LHFPL3: variants seen among roughly 807,000 people sequenced by gnomAD.
LHFPL3 encodes the protein LHFPL tetraspan subfamily member 3 protein.
In LHFPL3, 5 loss-of-function variants were observed where a neutral mutation model predicts 19.3. The observed-to-expected ratio is 0.26, with a 90% CI of 0.14 to 0.54. The LOEUF (loss-of-function observed/expected upper bound fraction) is 0.54. LHFPL3 is among the 20% of genes least tolerant of loss of function. The pLI, the probability that LHFPL3 is intolerant of heterozygous loss-of-function variation, is 0.94. For synonymous variants in LHFPL3, 133 were observed against 126.2 expected (o/e 1.05, Z -0.36); for missense variants, 249 against 307.4 (o/e 0.81, Z 1.42).
intron 1 of LHFPL3, among the ~76,000 whole-genome samples, chr7:104,451,316 A>G (rs779298164): frequency 3.3e-5 from 5 of 152,216 alleles, no homozygotes; most frequent in Non-Finnish European, 5.9e-5. Flanking sequence ...CTTGGCTGCC[A>G]TGTTCGAGGT....
chr7:104,845,474 C>A, intron 2 of LHFPL3: 1 of 1,524,626 alleles, frequency 6.6e-7, no homozygotes, highest in Admixed American at 2.0e-5. Context: ...GTTTTGTGCG[C>A]TTCTGCCTTC....
At chr7:104,739,799 C>A (rs1475522651) in intron 2 of LHFPL3, among the ~76,000 whole-genome samples, 1 of 152,182 alleles carries the variant, frequency 6.6e-6, no homozygotes, top group Non-Finnish European at 1.5e-5. Context: ...AATGTCATAT[C>A]TCAAGACTTG....
intron 1 of LHFPL3, among the ~76,000 whole-genome samples, chr7:104,675,014 T>C (rs1379911254): frequency 6.6e-6 from 1 of 152,202 alleles, no homozygotes; most frequent in Non-Finnish European, 1.5e-5. Flanking sequence ...CTTACCTTCA[T>C]GGAGAAAACG....
intron 1 of LHFPL3, among the ~76,000 whole-genome samples, chr7:104,498,862 C>T (rs1793542076): frequency 6.6e-6 from 1 of 152,166 alleles, no homozygotes; most frequent in African/African-American, 2.4e-5. Context: ...GATAGGTCCA[C>T]AATCAATTCT....
In LHFPL3 at chr7:104,906,972, A is replaced by G. The variant is rs1377631984; in HGVS notation, c.*757A>G. ...CATCATAGGTTCCCAAGCAACATAG[A>G]TTTCCCTATCTTTCAGGAAACAGCA... is the stretch of plus-strand genomic sequence containing the variant. On this transcript the variant is annotated 3_prime_UTR_variant, in exon 3 of 3. Coordinates refer to ENST00000424859, the MANE Select transcript of LHFPL3 (RefSeq NM_199000.3). The G allele has an allele frequency of 6.6e-6, 1 of 152,626 alleles. No homozygotes were observed. Among genetic ancestry groups the G allele is most frequent in the Non-Finnish European group, 1.5e-5 (1 of 68,020 alleles). The allele number at this position is 152,626 out of a possible 1,614,324, so 9.5% of individuals were successfully genotyped here. A position where few individuals can be genotyped will look rare whatever the true frequency, so the allele number is the denominator to read the frequency against.
chr7:104,660,125 C>T (rs773045949), intron 1 of LHFPL3, among the ~76,000 whole-genome samples: 13 of 152,156 alleles, frequency 8.5e-5, no homozygotes, highest in East Asian at 7.7e-4. Context: ...CCTTAGCCTC[C>T]GAAGTAGCTG....
At chr7:104,769,640 T>A (rs1794517857) in intron 2 of LHFPL3, among the ~76,000 whole-genome samples, 1 of 147,140 alleles carries the variant, frequency 6.8e-6, no homozygotes. Flanking sequence ...CCCCGGTGTG[T>A]GATGTTCCCC....
chr7:104,688,338 A>G (rs1792843962), intron 1 of LHFPL3, among the ~76,000 whole-genome samples: 1 of 152,318 alleles, frequency 6.6e-6, no homozygotes, highest in Admixed American at 6.5e-5. Context: ...CAAAGGGCTG[A>G]AATTGCGGAA....
rs541941172 is a variant in LHFPL3 at position 104,779,936 on chromosome 7, A to C, written c.682+43025A>C. Among the ~76,000 whole-genome samples, 129 of 152,200 alleles carry C rather than the reference A, an allele frequency of 8.5e-4. 1 individual carries two copies. Among genetic ancestry groups the C allele is most frequent in the African/African-American group, 3.0e-3 (126 of 41,512 alleles). ...GGGGTTTTTTTTTTAGCTAAACTTT[A>C]ATCTATGTGATGGCTTGTAATGTGC... On this transcript the variant is annotated intron_variant, in intron 2 of 2. Coordinates refer to ENST00000424859, the MANE Select transcript of LHFPL3 (RefSeq NM_199000.3).
In LHFPL3 at chr7:104,804,260, C is replaced by T. The variant is rs553627068; in HGVS notation, c.682+67349C>T. ...TGATTCGCCAGCTTAAGTCACTTTT[C>T]GACATCTGGGGCTGAGACTGCCAGA... On this transcript the variant is annotated intron_variant, in intron 2 of 2. Coordinates refer to ENST00000424859, the MANE Select transcript of LHFPL3 (RefSeq NM_199000.3). 2.6e-5 allele frequency among the ~76,000 whole-genome samples: 4 copies of T among 152,302 alleles called. 1 individual carries two copies. Among genetic ancestry groups the T allele is most frequent in the South Asian group, 2.1e-4 (1 of 4,826 alleles).
chr7:104,681,113 C>T lies in LHFPL3; in HGVS notation c.446-55562C>T, dbSNP rs377584896. On this transcript the variant is annotated intron_variant, in intron 1 of 2. Transcript: ENST00000424859. ...TTATTAAGTATAAGGGATTGTGCTA[C>T]GTGCTTAACATACCTTTTGGTTTTT... Among the ~76,000 whole-genome samples, 12 of 150,642 alleles carry T rather than the reference C, an allele frequency of 8.0e-5. No individual in the cohort carries two copies. In the East Asian group the frequency reaches 1.8e-3, roughly 22 times the overall value.
At chr7:104,602,341 C>G (rs1357634000) in intron 1 of LHFPL3, among the ~76,000 whole-genome samples, 1 of 152,122 alleles carries the variant, frequency 6.6e-6, no homozygotes, top group Non-Finnish European at 1.5e-5. Flanking sequence ...TTTCTATAGA[C>G]AGTTTGTCTT....
intron 1 of LHFPL3, among the ~76,000 whole-genome samples, chr7:104,420,521 G>A (rs1475873882): frequency 6.6e-6 from 1 of 150,792 alleles, no homozygotes; most frequent in East Asian, 1.9e-4. Flanking sequence ...CACTTAAGCT[G>A]TACGTGGTTA....
At chr7:104,618,908 A>T (rs867369397) in intron 1 of LHFPL3, among the ~76,000 whole-genome samples, 1 of 152,210 alleles carries the variant, frequency 6.6e-6, no homozygotes, top group African/African-American at 2.4e-5. Context: ...TGCCCTCTGC[A>T]CTAATGGAAT....
chr7:104,367,509 G>C (rs1790518364), intron 1 of LHFPL3, among the ~76,000 whole-genome samples: 1 of 152,224 alleles, frequency 6.6e-6, no homozygotes, highest in South Asian at 2.1e-4. Context: ...TGTTGGGTCA[G>C]ATCAAATGAG....
chr7:104,689,591 C>A (rs1352568698), intron 1 of LHFPL3, among the ~76,000 whole-genome samples: 1 of 152,198 alleles, frequency 6.6e-6, no homozygotes, highest in African/African-American at 2.4e-5. Flanking sequence ...CACTACACTA[C>A]TGACAATTTA....
chr7:104,358,899 C>G (rs1790336911), intron 1 of LHFPL3, among the ~76,000 whole-genome samples: 1 of 152,318 alleles, frequency 6.6e-6, no homozygotes, highest in South Asian at 2.1e-4. Context: ...CGATGGATGT[C>G]AGCATAATGA....
chr7:104,496,215 C>T (rs183155098), intron 1 of LHFPL3, among the ~76,000 whole-genome samples: 12 of 152,132 alleles, frequency 7.9e-5, no homozygotes, highest in East Asian at 7.7e-4. Flanking sequence ...TGAGAATATG[C>T]GGTGTTTGGT....
At chr7:104,419,968 A>AAACAAAC (rs1554391494) in intron 1 of LHFPL3, among the ~76,000 whole-genome samples, 2 of 152,018 alleles carry the variant, frequency 1.3e-5, no homozygotes, top group East Asian at 3.9e-4. Context: ...ACAAACAAAC[A>AAACAAAC]AACAACAACA....
Sources: allele counts gnomAD v4.1 joint callset (sites outside exome capture counted in the v4.1 genomes callset), GRCh38; gene constraint gnomAD v4.1.1; transcripts MANE v1.5; gene names NCBI Gene and HGNC (gene_info 2026-07-23, HGNC 2026-07-21).